The following CPED1 variants were observed in gnomAD, a reference collection of about 807,000 sequenced individuals.
The protein encoded by CPED1 is cadherin-like and PC-esterase domain-containing protein 1.
A neutral mutation model predicts 128.2 loss-of-function variants in CPED1; 114 were observed. The ratio of observed to expected loss-of-function variants is 0.89; its 90% CI spans 0.76 to 1.04. The LOEUF (loss-of-function observed/expected upper bound fraction) is 1.04. Among genes scored for constraint, CPED1 ranks in the 50% least tolerant of loss-of-function variants. The pLI is 0.00. For missense variants in CPED1, 1,211 were observed against 1,207.1 expected (o/e 1.00, Z -0.05); for synonymous variants, 462 against 426.7 (o/e 1.08, Z -1.02).
chr7:121,219,835 A>G (rs1797839097), intron 16 of CPED1, among the ~76,000 whole-genome samples: 1 of 152,086 alleles, frequency 6.6e-6, no homozygotes, highest in South Asian at 2.1e-4. Context: ...TCACTAAAAC[A>G]TAATAACACC....
At chr7:121,189,760 T>TATATATATATATA in intron 16 of CPED1, among the ~76,000 whole-genome samples, 1 of 47,466 alleles carries the variant, frequency 2.1e-5, no homozygotes, top group Non-Finnish European at 3.9e-5. Context: ...TTATGAGGTT[T>TATATATATATATA]TATATATATA....
At chr7:121,083,978 A>G (rs1291876497) in intron 5 of CPED1, among the ~76,000 whole-genome samples, 1 of 152,348 alleles carries the variant, frequency 6.6e-6, no homozygotes, top group East Asian at 1.9e-4. Flanking sequence ...TTCAATAAGT[A>G]TCTCCAGAAC....
intron 5 of CPED1, among the ~76,000 whole-genome samples, chr7:121,089,440 A>G (rs188208359): frequency 2.0e-5 from 3 of 152,186 alleles, no homozygotes; most frequent in African/African-American, 7.2e-5. Flanking sequence ...TGAAGGTTAA[A>G]TTTGCCTGTG....
intron 7 of CPED1, among the ~76,000 whole-genome samples, chr7:121,113,868 G>A (rs747344280): frequency 4.0e-5 from 6 of 150,940 alleles, no homozygotes; most frequent in South Asian, 2.1e-4. Context: ...TCTTTCTGTC[G>A]CCCAGGCTTG....
At chr7:121,115,602 T>G (rs1304765207) in intron 7 of CPED1, among the ~76,000 whole-genome samples, 1 of 152,228 alleles carries the variant, frequency 6.6e-6, no homozygotes, top group African/African-American at 2.4e-5. Flanking sequence ...TTTAGAGATA[T>G]GAGATAGGTA....
At chr7:121,203,425 C>T (rs934224176) in intron 16 of CPED1, among the ~76,000 whole-genome samples, 3 of 152,128 alleles carry the variant, frequency 2.0e-5, no homozygotes, top group African/African-American at 7.2e-5. Flanking sequence ...ATCTTTGTGA[C>T]TCCTGGTCAT....
At chr7:121,250,053 T>C (rs564564138) in intron 18 of CPED1, among the ~76,000 whole-genome samples, 35 of 152,258 alleles carry the variant, frequency 2.3e-4, no homozygotes, top group African/African-American at 7.2e-4. Context: ...TATTCCAAAA[T>C]TGACCACATA....
intron 19 of CPED1, 73 bp from the exon 20 acceptor site, chr7:121,266,634 G>A (rs1792130292): frequency 1.0e-5 from 13 of 1,256,178 alleles, no homozygotes; most frequent in Non-Finnish European, 1.5e-5. Context: ...ACAGTGAAAT[G>A]TGAGGCAGTG....
intron 16 of CPED1, among the ~76,000 whole-genome samples, chr7:121,155,496 T>C (rs1052501746): frequency 3.3e-5 from 5 of 152,184 alleles, no homozygotes; most frequent in Non-Finnish European, 7.4e-5. Flanking sequence ...ATCATAGTAC[T>C]GGCATAAAAA....
chr7:121,152,908 G>A (rs1389574567), intron 16 of CPED1, among the ~76,000 whole-genome samples: 1 of 152,146 alleles, frequency 6.6e-6, no homozygotes, highest in Non-Finnish European at 1.5e-5. Flanking sequence ...AGAATTGAGT[G>A]TAAATTTTGC....
In CPED1 at chr7:121,070,375, G is replaced by A. The variant is rs1793955168; in HGVS notation, c.616+6062G>A. On this transcript the variant is annotated intron_variant, in intron 5 of 22. Coordinates refer to ENST00000310396, the MANE Select transcript of CPED1 (RefSeq NM_024913.5). Reference sequence around the variant, plus strand: ...CTGATACCCCCTCTCTGTGGATTCTGTGGGCTCCTTAATGCTTCTGTCATT... The same window carrying A: ...CTGATACCCCCTCTCTGTGGATTCTATGGGCTCCTTAATGCTTCTGTCATT... 2.0e-5 allele frequency among the ~76,000 whole-genome samples: 3 copies of A among 151,836 alleles called. 1 individual carries two copies. The highest frequency in any genetic ancestry group is 2.0e-4 in the Admixed American group (3 of 15,222).
chr7:121,079,512 CT>C (rs1794225138), intron 5 of CPED1, among the ~76,000 whole-genome samples: 1 of 152,208 alleles, frequency 6.6e-6, no homozygotes, highest in Non-Finnish European at 1.5e-5. Flanking sequence ...GTAGAATTGC[CT>C]TTCTGTGCCA....
chr7:121,169,793 C>T (rs1796608980), intron 16 of CPED1, among the ~76,000 whole-genome samples: 2 of 152,190 alleles, frequency 1.3e-5, no homozygotes, highest in South Asian at 2.1e-4. Flanking sequence ...AATGTGATTT[C>T]CTCCAGGGAC....
intron 18 of CPED1, among the ~76,000 whole-genome samples, chr7:121,265,361 A>C (rs998257295): frequency 5.3e-5 from 8 of 152,060 alleles, no homozygotes; most frequent in Non-Finnish European, 8.8e-5. Flanking sequence ...GAGATACTGA[A>C]TCAAACCTCA....
chr7:121,271,225 T>C (rs929849034), intron 21 of CPED1, 59 bp from the exon 22 acceptor site: 33 of 1,399,826 alleles, frequency 2.4e-5, no homozygotes, highest in South Asian at 2.3e-4. Context: ...ACCTAACTTA[T>C]TGAATCATAA....
intron 21 of CPED1, 108 bp downstream of exon 21, chr7:121,267,410 T>TA (rs963187915): frequency 8.1e-5 from 41 of 505,568 alleles, no homozygotes; most frequent in Middle Eastern, 2.9e-4. Flanking sequence ...TTCATGAAAG[T>TA]AAAAAAAAGA....
chr7:121,136,257 T>C (rs1176375020), intron 14 of CPED1, among the ~76,000 whole-genome samples, 167 bp downstream of exon 14: 1 of 152,102 alleles, frequency 6.6e-6, no homozygotes, highest in East Asian at 1.9e-4. Context: ...TCTATCACTT[T>C]TGCATAAGAA....
chr7:121,025,007 C>A (rs192417114), intron 3 of CPED1, among the ~76,000 whole-genome samples: 1 of 152,260 alleles, frequency 6.6e-6, no homozygotes, highest in East Asian at 1.9e-4. Flanking sequence ...TTGGGAGCTT[C>A]TAACTATAGT....
chr7:121,267,228 A>G lies in CPED1; in HGVS notation c.2647A>G (p.Asn883Asp), dbSNP rs1213233424. 1.3e-6 allele frequency: 2 copies of G among 1,580,946 alleles called. No homozygotes were observed. Among genetic ancestry groups the G allele is most frequent in the South Asian group, 1.1e-5 (1 of 87,414 alleles). Residue 883 changes from asparagine (N) to aspartate (D), a missense_variant, in exon 21 of 23, where the codon AAT becomes GAT. By Grantham distance (23) the Asn-to-Asp change is conservative (BLOSUM62 1). Transcript: ENST00000310396. The stretch of plus-strand genomic sequence containing the variant: ...TATCTCATTCAGGGAAAATTTACTC[A>G]ATATCCTAGTGATCATCAAAACTTT... ...HKVLKRENLL[N>D]ILVIIKTLGI...
Sources: allele counts gnomAD v4.1 joint callset (sites outside exome capture counted in the v4.1 genomes callset), GRCh38; gene constraint gnomAD v4.1.1; transcripts MANE v1.5; gene names NCBI Gene and HGNC (gene_info 2026-07-23, HGNC 2026-07-21).